The following PTPRD variants were observed in gnomAD, a reference collection of about 807,000 sequenced individuals.
The protein encoded by PTPRD is protein tyrosine phosphatase receptor type D.
In PTPRD, 34 loss-of-function variants were observed where a neutral mutation model predicts 214.5. The ratio of observed to expected loss-of-function variants is 0.16; its 90% CI spans 0.12 to 0.21. PTPRD has a LOEUF of 0.21. Ranked by LOEUF, PTPRD falls within the 10% of genes least tolerant of loss-of-function variation. The pLI is 1.00. For missense variants in PTPRD, 2,545 were observed against 2,398.7 expected (o/e 1.06, Z -1.27); for synonymous variants, 1,128 against 845.7 (o/e 1.33, Z -5.79).
At chr9:9,622,424 A>C (rs183499754) in intron 7 of PTPRD, among the ~76,000 whole-genome samples, 75 of 152,332 alleles carry the variant, frequency 4.9e-4, no homozygotes, top group African/African-American at 1.8e-3. Flanking sequence ...AGGAGATGAA[A>C]GTTTCTTTTT....
intron 11 of PTPRD, among the ~76,000 whole-genome samples, chr9:9,016,377 C>G (rs1326029626): frequency 6.6e-6 from 1 of 152,120 alleles, no homozygotes; most frequent in East Asian, 1.9e-4. Flanking sequence ...TTTCTCTTTT[C>G]TCTTTGTGTT....
At chr9:8,329,795 C>T (rs12345562) in intron 44 of PTPRD, among the ~76,000 whole-genome samples, 1,953 of 152,230 alleles carry the variant, frequency 0.013, 40 homozygotes, top group African/African-American at 0.044. Flanking sequence ...TTCCTGCTGG[C>T]TTTGTTTACA....
At chr9:8,518,579 G>C in intron 20 of PTPRD, 150 bp from the exon 21 acceptor site, 3 of 614,530 alleles carry the variant, frequency 4.9e-6, no homozygotes, top group Non-Finnish European at 5.3e-6. Flanking sequence ...TTTCTGAATG[G>C]CCAAGAAGGA....
At chr9:9,937,794 T>G (rs966560127) in intron 5 of PTPRD, among the ~76,000 whole-genome samples, 2 of 152,186 alleles carry the variant, frequency 1.3e-5, no homozygotes, top group African/African-American at 4.8e-5. Context: ...TTACAGTGTA[T>G]GAAAATCATT....
At chr9:10,560,245 C>A (rs1271925560) in intron 2 of PTPRD, among the ~76,000 whole-genome samples, 1 of 152,146 alleles carries the variant, frequency 6.6e-6, no homozygotes, top group Non-Finnish European at 1.5e-5. Flanking sequence ...ATGATGAGTT[C>A]ATGTCCTTTG....
chr9:8,866,656 A>G (rs1425127482), intron 11 of PTPRD, among the ~76,000 whole-genome samples: 2 of 152,160 alleles, frequency 1.3e-5, no homozygotes, highest in East Asian at 3.9e-4. Context: ...CTTTTCTACC[A>G]ATAGCCTAAA....
intron 8 of PTPRD, among the ~76,000 whole-genome samples, chr9:9,484,983 G>A (rs983063130): frequency 2.0e-5 from 3 of 152,140 alleles, no homozygotes; most frequent in African/African-American, 7.2e-5. Flanking sequence ...ATAATTTCCA[G>A]TTTATGAATT....
intron 10 of PTPRD, among the ~76,000 whole-genome samples, chr9:9,059,503 C>A (rs2099703319): frequency 6.6e-6 from 1 of 152,052 alleles, no homozygotes; most frequent in Admixed American, 6.6e-5. Context: ...GCATAAGGAA[C>A]CATGAATGGA....
chr9:9,546,203 T>A (rs1206351878), intron 8 of PTPRD, among the ~76,000 whole-genome samples: 3 of 150,184 alleles, frequency 2.0e-5, no homozygotes, highest in African/African-American at 4.9e-5. Context: ...AGCTCTGCTA[T>A]AATCCATTAT....
rs552331787 is a variant in PTPRD at position 10,346,010 on chromosome 9, C to T, written c.-599-4993G>A. Among the ~76,000 whole-genome samples, 3 of 152,136 alleles carry T rather than the reference C, an allele frequency of 2.0e-5. No homozygotes were observed. The South Asian group carries it at 6.2e-4, about 32-fold the overall frequency. ...GTTTTGATTTGCAGTCCTCTAATAA[C>T]CAATATCAATCATTTAACCTCTTTC... On this transcript the variant is annotated intron_variant, in intron 2 of 45. Coordinates refer to ENST00000381196, the MANE Select transcript of PTPRD (RefSeq NM_002839.4).
chr9:10,483,451 T>C (rs1011009115), intron 2 of PTPRD, among the ~76,000 whole-genome samples: 1 of 151,914 alleles, frequency 6.6e-6, no homozygotes, highest in African/African-American at 2.4e-5. Flanking sequence ...TAAAAAAGTT[T>C]CTGTACAGCA....
In PTPRD at chr9:9,325,299, C is replaced by G. The variant is rs142638227; in HGVS notation, c.-203+72150G>C. On this transcript the variant is annotated intron_variant, in intron 9 of 45. Coordinates refer to ENST00000381196, the MANE Select transcript of PTPRD (RefSeq NM_002839.4). ...ACCTTGGGCAGTATGGCCATTTTCA[C>G]GATATTGATTCTTCCTATCCATGAG... Among the ~76,000 whole-genome samples, 92 of 152,216 alleles carry G rather than the reference C, an allele frequency of 6.0e-4. 1 individual carries two copies. In the East Asian group the frequency reaches 0.015, roughly 24 times the overall value.
intron 35 of PTPRD, among the ~76,000 whole-genome samples, chr9:8,406,411 C>T (rs889417449): frequency 1.3e-5 from 2 of 152,174 alleles, no homozygotes; most frequent in Non-Finnish European, 2.9e-5. Flanking sequence ...TGATTGAAAT[C>T]CCTTCTCTAA....
At position 8,783,871 on chromosome 9, in the gene PTPRD, G is replaced by A. The variant is rs544527175; in HGVS notation, c.-103-49925C>T. ...AAGAAAAATAAAAAACTTGAGCATC[G>A]AGACACTCAATATTTACGCTACCCC... On this transcript the variant is annotated intron_variant, in intron 11 of 45. Coordinates refer to ENST00000381196, the MANE Select transcript of PTPRD (RefSeq NM_002839.4). 1.4e-4 allele frequency among the ~76,000 whole-genome samples: 22 copies of A among 152,188 alleles called. No homozygotes were observed. The South Asian group carries it at 2.9e-3, about 20-fold the overall frequency.
intron 9 of PTPRD, among the ~76,000 whole-genome samples, chr9:9,390,731 G>A (rs2065522972): frequency 6.6e-6 from 1 of 152,126 alleles, no homozygotes; most frequent in South Asian, 2.1e-4. Flanking sequence ...AGGACAGCAG[G>A]CACAGTCTTA....
intron 11 of PTPRD, among the ~76,000 whole-genome samples, chr9:9,007,639 T>C (rs1332434749): frequency 6.6e-6 from 1 of 151,598 alleles, no homozygotes; most frequent in African/African-American, 2.4e-5. Flanking sequence ...TACATCAATC[T>C]GGACCTGTTG....
intron 35 of PTPRD, among the ~76,000 whole-genome samples, chr9:8,420,740 G>A (rs890217285): frequency 1.3e-5 from 2 of 151,590 alleles, no homozygotes; most frequent in African/African-American, 2.4e-5. Flanking sequence ...TTAGCTTTGG[G>A]GAAAGACAGC....
At chr9:10,483,307 C>A (rs184453293) in intron 2 of PTPRD, among the ~76,000 whole-genome samples, 3 of 152,136 alleles carry the variant, frequency 2.0e-5, no homozygotes, top group Admixed American at 2.0e-4. Flanking sequence ...AGACTTAAAT[C>A]TAACCCCTAA....
intron 5 of PTPRD, among the ~76,000 whole-genome samples, chr9:9,832,190 C>G (rs531897161): frequency 1.9e-4 from 29 of 151,978 alleles, no homozygotes; most frequent in African/African-American, 7.0e-4. Flanking sequence ...TGAAAAACAC[C>G]GTAGTTGAAA....
Sources: allele counts gnomAD v4.1 joint callset (sites outside exome capture counted in the v4.1 genomes callset), GRCh38; gene constraint gnomAD v4.1.1; transcripts MANE v1.5; gene names NCBI Gene and HGNC (gene_info 2026-07-23, HGNC 2026-07-21).